Variants in UGT1A9 observed in about 807,000 individuals in gnomAD.
UGT1A9 encodes UDP glucuronosyltransferase family 1 member A9.
A neutral mutation model predicts 45.0 loss-of-function variants in UGT1A9; 35 were observed. The observed-to-expected ratio is 0.78, with a 90% CI of 0.59 to 1.03. The LOEUF is 1.03. Among genes scored for constraint, UGT1A9 ranks in the 50% least tolerant of loss-of-function variants. UGT1A9 has a pLI of 0.00. For synonymous variants in UGT1A9, 278 were observed against 250.6 expected (o/e 1.11, Z -1.03); for missense variants, 687 against 666.6 (o/e 1.03, Z -0.34).
At chr2:233,682,165 T>C (rs1559339373) in intron 1 of UGT1A9, 2 of 1,614,208 alleles carry the variant, frequency 1.2e-6, no homozygotes, top group Non-Finnish European at 8.5e-7. Flanking sequence ...CAGTGAAGAC[T>C]TACTCAACCT....
At chr2:233,747,077 T>G (rs1575680795) in intron 1 of UGT1A9, 1 of 1,083,878 alleles carries the variant, frequency 9.2e-7, no homozygotes, top group East Asian at 2.9e-5. Flanking sequence ...AATAATTAAC[T>G]AGGAGGAGAG....
intron 1 of UGT1A9, among the ~76,000 whole-genome samples, chr2:233,683,434 TAAG>T (rs2074633803): frequency 6.6e-6 from 1 of 152,172 alleles, no homozygotes; most frequent in African/African-American, 2.4e-5. Flanking sequence ...TGAGCAATAA[TAAG>T]AATTCTTGTA....
intron 1 of UGT1A9, among the ~76,000 whole-genome samples, chr2:233,759,845 G>C (rs1454775636): frequency 6.6e-6 from 1 of 152,146 alleles, no homozygotes; most frequent in Non-Finnish European, 1.5e-5. Context: ...CACTCTTACA[G>C]GTTTCCATGG....
At chr2:233,681,359 C>A (rs2074519870) in intron 1 of UGT1A9, among the ~76,000 whole-genome samples, 2 of 151,692 alleles carry the variant, frequency 1.3e-5, no homozygotes, top group African/African-American at 2.4e-5. Context: ...CATGGTGAAA[C>A]CCCGTCTCCA....
At chr2:233,758,553 G>A (rs1420441081) in intron 1 of UGT1A9, among the ~76,000 whole-genome samples, 1 of 152,202 alleles carries the variant, frequency 6.6e-6, no homozygotes, top group Non-Finnish European at 1.5e-5. Context: ...TGCTTGCCCA[G>A]AATCTTGGTC....
At chr2:233,747,851 C>G in intron 1 of UGT1A9, 1 of 1,613,534 alleles carries the variant, frequency 6.2e-7, no homozygotes, top group Non-Finnish European at 8.5e-7. Context: ...GGGTCAAGAA[C>G]ATGCTCTACC....
chr2:233,704,589 A>G (rs2075798846), intron 1 of UGT1A9, among the ~76,000 whole-genome samples: 1 of 152,206 alleles, frequency 6.6e-6, no homozygotes. Flanking sequence ...ATCAGAGAGA[A>G]GAAAGAAGAG....
chr2:233,673,566 G>A (rs2602377), intron 1 of UGT1A9, among the ~76,000 whole-genome samples: 93,596 of 151,962 alleles, frequency 0.62, 29,078 homozygotes, highest in South Asian at 0.65. Flanking sequence ...TTTTGCTATT[G>A]TGTCTTCCTG....
intron 1 of UGT1A9, among the ~76,000 whole-genome samples, chr2:233,739,443 A>C (rs965423718): frequency 3.9e-5 from 6 of 152,204 alleles, no homozygotes; most frequent in African/African-American, 7.2e-5. Flanking sequence ...TACCCTGCAA[A>C]GCCACAGGGT....
intron 1 of UGT1A9, chr2:233,719,094 G>C (rs376370143): frequency 8.7e-6 from 14 of 1,614,082 alleles, no homozygotes; most frequent in Admixed American, 1.7e-5. Flanking sequence ...ATTTGATCGC[G>C]TTACGCTGGG....
At chr2:233,681,841 G>T in intron 1 of UGT1A9, 6 of 1,516,252 alleles carry the variant, frequency 4.0e-6, no homozygotes, top group Admixed American at 2.3e-5. Flanking sequence ...ATAAGTACAC[G>T]CCTTCTTTTG....
intron 1 of UGT1A9, among the ~76,000 whole-genome samples, chr2:233,733,322 C>A (rs1174900134): frequency 6.6e-6 from 1 of 152,146 alleles, no homozygotes; most frequent in African/African-American, 2.4e-5. Context: ...CCTGATTGCC[C>A]TGGCCAGAAC....
At chr2:233,701,416 T>G (rs2125586525) in intron 1 of UGT1A9, among the ~76,000 whole-genome samples, 1 of 152,190 alleles carries the variant, frequency 6.6e-6, no homozygotes, top group African/African-American at 2.4e-5. Flanking sequence ...CACCCCACTG[T>G]CAACATTAGA....
chr2:233,729,222 G>A (rs778525530), intron 1 of UGT1A9: 3 of 1,614,150 alleles, frequency 1.9e-6, no homozygotes, highest in Middle Eastern at 1.7e-4. Flanking sequence ...GAAAGGTGTT[G>A]GTGGTGCCCA....
At chr2:233,755,185 T>G (rs1695803868) in intron 1 of UGT1A9, 2 of 1,189,530 alleles carry the variant, frequency 1.7e-6, no homozygotes, top group Non-Finnish European at 2.3e-6. Context: ...GGGTGCCACT[T>G]GAGCGCCAGC....
intron 1 of UGT1A9, among the ~76,000 whole-genome samples, chr2:233,707,211 T>C (rs1292471081): frequency 6.6e-6 from 1 of 151,794 alleles, no homozygotes; most frequent in East Asian, 1.9e-4. Flanking sequence ...CCTTTCCATC[T>C]TTTCTCTGAC....
At chr2:233,688,257 A>G (rs2074884788) in intron 1 of UGT1A9, among the ~76,000 whole-genome samples, 1 of 152,228 alleles carries the variant, frequency 6.6e-6, no homozygotes, top group Non-Finnish European at 1.5e-5. Context: ...ATTCCTTTAC[A>G]TGGCCGAATA....
At chr2:233,771,035 G>A (rs1472903021) in intron 4 of UGT1A9, 1 of 152,036 alleles carries the variant, frequency 6.6e-6, no homozygotes, top group South Asian at 2.1e-4. Context: ...TGGGGGGGAA[G>A]GTGCCACACA....
chr2:233,729,609 G>A (rs745477342), intron 1 of UGT1A9: 1 of 1,613,988 alleles, frequency 6.2e-7, no homozygotes, highest in South Asian at 1.1e-5. Context: ...CGGCAGTGCT[G>A]GCTAAGTACC....
Sources: allele counts gnomAD v4.1 joint callset (sites outside exome capture counted in the v4.1 genomes callset), GRCh38; gene constraint gnomAD v4.1.1; transcripts MANE v1.5; gene names NCBI Gene and HGNC (gene_info 2026-07-23, HGNC 2026-07-21).